TTC7B: variants seen among roughly 807,000 people sequenced by gnomAD.
TTC7B encodes tetratricopeptide repeat domain 7B.
In TTC7B, 28 loss-of-function variants were observed where a neutral mutation model predicts 106.8. That is an observed-to-expected ratio of 0.26 (90% CI 0.19 to 0.36). The LOEUF (loss-of-function observed/expected upper bound fraction) is 0.36. TTC7B is among the 10% of genes least tolerant of loss of function. The pLI, the probability that TTC7B is intolerant of heterozygous loss-of-function variation, is 1.00. For missense variants in TTC7B, 862 were observed against 1,076.4 expected (o/e 0.80, Z 2.79); for synonymous variants, 405 against 430.6 (o/e 0.94, Z 0.74).
intron 3 of TTC7B, among the ~76,000 whole-genome samples, chr14:90,752,335 T>C (rs1417021022): frequency 6.6e-6 from 1 of 152,028 alleles, no homozygotes; most frequent in African/African-American, 2.4e-5. Flanking sequence ...CTGCCTAACA[T>C]AGTGAGACCC....
intron 2 of TTC7B, among the ~76,000 whole-genome samples, chr14:90,785,148 G>T (rs1891343097): frequency 6.6e-6 from 1 of 152,126 alleles, no homozygotes; most frequent in African/African-American, 2.4e-5. Context: ...AGAGAGGCGA[G>T]TAACCTCCCC....
Position 90,578,401 on chromosome 14 carries a change from G to C in TTC7B, c.2108-93C>G, listed in dbSNP as rs1009925745. The stretch of plus-strand genomic sequence containing the variant: ...TCTGATGTTCGTGTTCCCTGCACGG[G>C]AGTCTGGCGGGGCGCAGAGCCAGCT... On this transcript the variant is annotated intron_variant, in intron 18 of 19. Coordinates refer to ENST00000328459, the MANE Select transcript of TTC7B (RefSeq NM_001010854.2). This position sits in a 1 kb window ranked among gnomAD's most constrained non-coding sequence, Gnocchi z 4.7. The C allele has an allele frequency of 3.7e-6, 5 of 1,343,400 alleles. No individual in the cohort carries two copies. The African/African-American group carries it at 7.1e-5, about 19-fold the overall frequency. The allele number at this position is 1,343,400 out of a possible 1,614,324, so 83.2% of individuals were successfully genotyped here.
intron 19 of TTC7B, among the ~76,000 whole-genome samples, chr14:90,544,170 G>C (rs1330721893): frequency 6.6e-6 from 1 of 152,238 alleles, no homozygotes; most frequent in Non-Finnish European, 1.5e-5. Context: ...GGAGGCGGAG[G>C]CCACGCTGCC....
chr14:90,741,336 T>C (rs1230687015), intron 4 of TTC7B, among the ~76,000 whole-genome samples: 1 of 152,172 alleles, frequency 6.6e-6, no homozygotes, highest in African/African-American at 2.4e-5. Context: ...CACTCCTAAC[T>C]GTCTCCAAAA....
chr14:90,664,975 G>T (rs1474051718), intron 9 of TTC7B, among the ~76,000 whole-genome samples: 1 of 152,238 alleles, frequency 6.6e-6, no homozygotes, highest in African/African-American at 2.4e-5. Flanking sequence ...GCATGCCAGT[G>T]GATGGCAAAG....
chr14:90,612,025 G>A lies in TTC7B; in HGVS notation c.1869-1186C>T, dbSNP rs573084498. The stretch of plus-strand genomic sequence containing the variant: ...CACAATTTCCTTCCTTTATGCAGCT[G>A]TTGCTAAAGCAGTACAAACAAGATT... On this transcript the variant is annotated intron_variant, in intron 16 of 19. Transcript: ENST00000328459. 3.3e-5 allele frequency among the ~76,000 whole-genome samples: 5 copies of A among 152,248 alleles called. No homozygotes were observed. The East Asian group carries it at 7.7e-4, about 24-fold the overall frequency.
rs1426644884 is a variant in TTC7B at position 90,577,405 on chromosome 14, C to T, written c.2310+701G>A. Among the ~76,000 whole-genome samples the T allele has an allele frequency of 2.6e-5, 4 of 152,230 alleles. No individual in the cohort carries two copies. The highest frequency in any genetic ancestry group is 5.9e-5 in the Non-Finnish European group (4 of 68,036). ...TGTCCCCACCTAACTGAAACCGACA[C>T]GGCCAGGTGGCCGGCTCCAGGGTCT... On this transcript the variant is annotated intron_variant, in intron 19 of 19. Coordinates refer to ENST00000328459, the MANE Select transcript of TTC7B (RefSeq NM_001010854.2). This position sits in a 1 kb window ranked among gnomAD's most constrained non-coding sequence, Gnocchi z 5.0.
chr14:90,761,571 G>T (rs528603656), intron 3 of TTC7B, among the ~76,000 whole-genome samples: 2 of 152,260 alleles, frequency 1.3e-5, no homozygotes, highest in Admixed American at 1.3e-4. Flanking sequence ...CATCACCCAT[G>T]TGGCACAGCT....
In TTC7B at chr14:90,627,522, G is replaced by A. The variant is rs144091152; in HGVS notation, c.1752-9477C>T. On this transcript the variant is annotated intron_variant, in intron 15 of 19. Coordinates refer to ENST00000328459, the MANE Select transcript of TTC7B (RefSeq NM_001010854.2). Reference sequence around the variant, plus strand: ...CCAAAGTATGATGAGGAGATACCTCGTTCTTCAGAACTTAGCAGCCCTTAT... The same window carrying A: ...CCAAAGTATGATGAGGAGATACCTCATTCTTCAGAACTTAGCAGCCCTTAT... 6.8e-3 allele frequency among the ~76,000 whole-genome samples: 1,035 copies of A among 152,324 alleles called. 10 individuals carry two copies. The highest frequency in any genetic ancestry group is 0.023 in the African/African-American group (973 of 41,568).
chr14:90,812,105 C>T (rs1192135723), intron 1 of TTC7B, among the ~76,000 whole-genome samples: 1 of 152,198 alleles, frequency 6.6e-6, no homozygotes, highest in East Asian at 1.9e-4. Flanking sequence ...TGACAGGTAC[C>T]ATCCCACTGA....
intron 1 of TTC7B, among the ~76,000 whole-genome samples, chr14:90,810,448 T>C (rs1477217776): frequency 2.0e-5 from 3 of 152,250 alleles, no homozygotes; most frequent in African/African-American, 7.2e-5. Context: ...TCTTACCCAC[T>C]GTGCTTGCTT....
At chr14:90,773,571 T>C (rs991011747) in intron 3 of TTC7B, among the ~76,000 whole-genome samples, 4 of 152,208 alleles carry the variant, frequency 2.6e-5, no homozygotes, top group South Asian at 4.1e-4. Flanking sequence ...CCACGCACCA[T>C]GCCAGACTCT....
chr14:90,730,478 A>G (rs1477666070), intron 4 of TTC7B, among the ~76,000 whole-genome samples: 1 of 152,188 alleles, frequency 6.6e-6, no homozygotes, highest in Non-Finnish European at 1.5e-5. Flanking sequence ...GAAGCACTAG[A>G]GGCGGAGAGG....
intron 5 of TTC7B, among the ~76,000 whole-genome samples, chr14:90,718,020 C>T (rs1268582814): frequency 2.6e-5 from 4 of 152,220 alleles, no homozygotes; most frequent in Non-Finnish European, 5.9e-5. Context: ...CCTTCTTCCC[C>T]ACACTCATGT....
intron 17 of TTC7B, among the ~76,000 whole-genome samples, chr14:90,606,522 T>C (rs1892645827): frequency 6.6e-6 from 1 of 152,184 alleles, no homozygotes; most frequent in African/African-American, 2.4e-5. Flanking sequence ...GAATAAAATA[T>C]TTTTTTCATT....
At chr14:90,761,297 A>G (rs1005806474) in intron 3 of TTC7B, among the ~76,000 whole-genome samples, 8 of 152,252 alleles carry the variant, frequency 5.3e-5, no homozygotes, top group Non-Finnish European at 1.0e-4. Context: ...TGCAGATAAC[A>G]TCACTACTGT....
intron 3 of TTC7B, among the ~76,000 whole-genome samples, chr14:90,770,053 A>C (rs1890812445): frequency 6.6e-6 from 1 of 152,144 alleles, no homozygotes; most frequent in Admixed American, 6.5e-5. Context: ...GGGAGGCTGA[A>C]GCAGGAGATC....
At position 90,807,873 on chromosome 14, in the gene TTC7B, T is replaced by C. The variant is rs2140062959; in HGVS notation, c.121+8302A>G. On this transcript the variant is annotated intron_variant, in intron 1 of 19. Coordinates refer to ENST00000328459, the MANE Select transcript of TTC7B (RefSeq NM_001010854.2). The surrounding 1 kb of genome is among the most constrained non-coding windows in gnomAD (Gnocchi z 4.1). ...AGAATGCAGAACCCCAGCTCCACCC[T>C]AGACCTACTATATCAGTATCTCTGG... is the stretch of plus-strand genomic sequence containing the variant. 6.6e-6 allele frequency among the ~76,000 whole-genome samples: 1 copy of C among 152,380 alleles called. No individual in the cohort carries two copies. Among genetic ancestry groups the C allele is most frequent in the Non-Finnish European group, 1.5e-5 (1 of 68,042 alleles).
In TTC7B at chr14:90,548,370, T is replaced by C. The variant is rs190106268; in HGVS notation, c.2311-6781A>G. 4.7e-3 allele frequency among the ~76,000 whole-genome samples: 712 copies of C among 152,346 alleles called. 9 individuals are homozygous for C. The highest frequency in any genetic ancestry group is 0.017 in the African/African-American group (690 of 41,582). ...CCTTTGCAGGGGGTAGAGGTGGGCA[T>C]GGGTGGCTTAAGGCAGTGTTGTCAG... On this transcript the variant is annotated intron_variant, in intron 19 of 19. Transcript: ENST00000328459.
Sources: allele counts gnomAD v4.1 joint callset (sites outside exome capture counted in the v4.1 genomes callset), GRCh38; gene constraint gnomAD v4.1.1; non-coding constraint Gnocchi (gnomAD v3.1); transcripts MANE v1.5; gene names NCBI Gene and HGNC (gene_info 2026-07-23, HGNC 2026-07-21).